Variants in ARHGAP10 observed in about 807,000 individuals in gnomAD.
ARHGAP10 encodes Rho GTPase activating protein 10.
In ARHGAP10, 87 loss-of-function variants were observed where a neutral mutation model predicts 108.6. The observed-to-expected ratio is 0.80, with a 90% CI of 0.67 to 0.96. ARHGAP10 has a LOEUF of 0.96. Among genes scored for constraint, ARHGAP10 ranks in the 40% least tolerant of loss-of-function variants. The pLI, the probability that ARHGAP10 is intolerant of heterozygous loss-of-function variation, is 0.00. For synonymous variants in ARHGAP10, 347 were observed against 341.1 expected, an observed-to-expected ratio of 1.02 and a Z score of -0.19; for missense variants, 939 against 954.5, an observed-to-expected ratio of 0.98 and a Z score of 0.21.
intron 14 of ARHGAP10, among the ~76,000 whole-genome samples, chr4:147,941,082 A>G (rs190571628): frequency 1.2e-4 from 19 of 152,352 alleles, no homozygotes; most frequent in African/African-American, 4.6e-4. Context: ...ATGGGAGTAC[A>G]GCATCTGCTT....
At chr4:147,767,585 T>C (rs575608955) in intron 1 of ARHGAP10, among the ~76,000 whole-genome samples, 1 of 152,064 alleles carries the variant, frequency 6.6e-6, no homozygotes, top group Non-Finnish European at 1.5e-5. Flanking sequence ...TAGGCATAAG[T>C]GTGCACCTGT....
chr4:147,912,005 G>A (rs1477373179), intron 12 of ARHGAP10, among the ~76,000 whole-genome samples: 107 of 28,978 alleles, frequency 3.7e-3, no homozygotes, highest in South Asian at 0.011. Flanking sequence ...GTGTGTGTGT[G>A]TGTGTGTGTG....
chr4:148,046,737 A>C (rs1205424539), intron 19 of ARHGAP10, among the ~76,000 whole-genome samples, 155 bp from the exon 20 acceptor site: 1 of 152,222 alleles, frequency 6.6e-6, no homozygotes, highest in African/African-American at 2.4e-5. Context: ...TTGATTAAAA[A>C]AAATGTAAAG....
At chr4:147,746,705 T>G (rs553958819) in intron 1 of ARHGAP10, among the ~76,000 whole-genome samples, 2 of 152,238 alleles carry the variant, frequency 1.3e-5, no homozygotes, top group African/African-American at 4.8e-5. Context: ...CTTCTTAATA[T>G]AGAAGGTGGG....
intron 4 of ARHGAP10, among the ~76,000 whole-genome samples, chr4:147,851,593 A>T (rs1408236750): frequency 6.6e-6 from 1 of 152,240 alleles, no homozygotes; most frequent in African/African-American, 2.4e-5. Context: ...ACCTGTCTGG[A>T]TAATTTCTCA....
At chr4:147,972,313 A>G (rs551048505) in intron 18 of ARHGAP10, among the ~76,000 whole-genome samples, 2 of 152,278 alleles carry the variant, frequency 1.3e-5, no homozygotes, top group African/African-American at 4.8e-5. Flanking sequence ...GTGTATCCAT[A>G]CACTTAAAAA....
At chr4:147,888,825 T>G (rs576533363) in intron 10 of ARHGAP10, among the ~76,000 whole-genome samples, 35 of 152,348 alleles carry the variant, frequency 2.3e-4, no homozygotes, top group African/African-American at 8.2e-4. Context: ...AGAAGGTGAA[T>G]GTACTTTGAG....
At position 148,068,732 on chromosome 4, in the gene ARHGAP10, G is replaced by C. The variant is rs566287306; in HGVS notation, c.2273-3261G>C. Among the ~76,000 whole-genome samples, 4 of 152,300 alleles carry C rather than the reference G, an allele frequency of 2.6e-5. No individual in the cohort carries two copies. The South Asian group carries it at 8.3e-4, about 32-fold the overall frequency. ...GAGCCCAGGACGCAGCCTCCCTGTG[G>C]GTCCTGTGGCAGTTCTGAAGTTGAG... On this transcript the variant is annotated intron_variant, in intron 22 of 22. Coordinates refer to ENST00000336498, the MANE Select transcript of ARHGAP10 (RefSeq NM_024605.4).
chr4:147,828,875 A>G (rs1342518769), intron 3 of ARHGAP10, among the ~76,000 whole-genome samples: 2 of 101,598 alleles, frequency 2.0e-5, no homozygotes, highest in African/African-American at 3.2e-5. Flanking sequence ...TAAAAAGTCA[A>G]GATAGTTTTT....
At chr4:147,969,651 T>A (rs2149616855) in intron 18 of ARHGAP10, among the ~76,000 whole-genome samples, 1 of 152,272 alleles carries the variant, frequency 6.6e-6, no homozygotes, top group Non-Finnish European at 1.5e-5. Context: ...TTTTTGAAGC[T>A]GGGGAGATAA....
At chr4:147,781,965 T>C (rs1730554296) in intron 1 of ARHGAP10, among the ~76,000 whole-genome samples, 2 of 152,180 alleles carry the variant, frequency 1.3e-5, no homozygotes, top group African/African-American at 4.8e-5. Flanking sequence ...TGAGTTTCAT[T>C]GATTTCTGAA....
At chr4:147,903,118 G>A (rs1736317011) in intron 10 of ARHGAP10, among the ~76,000 whole-genome samples, 2 of 152,212 alleles carry the variant, frequency 1.3e-5, no homozygotes, top group Middle Eastern at 3.4e-3. Flanking sequence ...ATCCCACATG[G>A]CCAGGGAGGC....
chr4:147,904,298 T>C (rs1341024936), intron 10 of ARHGAP10, among the ~76,000 whole-genome samples: 1 of 152,132 alleles, frequency 6.6e-6, no homozygotes, highest in Non-Finnish European at 1.5e-5. Flanking sequence ...TAGTTACATA[T>C]GTATACACGT....
intron 14 of ARHGAP10, among the ~76,000 whole-genome samples, chr4:147,944,722 A>G (rs146332468): frequency 3.3e-5 from 5 of 152,356 alleles, no homozygotes; most frequent in East Asian, 1.9e-4. Flanking sequence ...TAGTTAAGAC[A>G]TCATCGTGGA....
chr4:148,062,944 A>C (rs972167900), intron 20 of ARHGAP10, among the ~76,000 whole-genome samples: 7 of 151,982 alleles, frequency 4.6e-5, no homozygotes, highest in African/African-American at 1.7e-4. Flanking sequence ...AGACAGCTTG[A>C]GTTTGGGGCT....
At chr4:147,790,912 G>A (rs1731090642) in intron 1 of ARHGAP10, among the ~76,000 whole-genome samples, 1 of 151,978 alleles carries the variant, frequency 6.6e-6, no homozygotes, top group Non-Finnish European at 1.5e-5. Flanking sequence ...GAGAGTTGAA[G>A]GCTCCTGTGA....
chr4:147,837,643 G>GTTTTTTTTT lies in ARHGAP10; in HGVS notation c.313-9497_313-9489dup, dbSNP rs59933316. Reference sequence around the variant, plus strand: ...CACCTCGCTAGAATCTCTGGTCACTGTTTTTTTTTTTTTTTTTTTAAAGCA... The same window carrying GTTTTTTTTT: ...CACCTCGCTAGAATCTCTGGTCACTGTTTTTTTTTTTTTTTTTTTTTTTTTTTTAAAGCA... On this transcript the variant is annotated intron_variant, in intron 3 of 22. Transcript: ENST00000336498. 2.6e-4 allele frequency among the ~76,000 whole-genome samples: 18 copies of GTTTTTTTTT among 70,232 alleles called. 2 individuals carry two copies. Among genetic ancestry groups the GTTTTTTTTT allele is most frequent in the South Asian group, 7.5e-4 (1 of 1,340 alleles). The allele number at this position is 70,232 out of a possible 152,430, so 46.1% of individuals were successfully genotyped here. A position where few individuals can be genotyped will look rare whatever the true frequency, so the allele number is the denominator to read the frequency against.
rs181701756 is a variant in ARHGAP10 at position 148,064,546 on chromosome 4, G to A, written c.2272+39G>A. 33 of 1,535,406 alleles carry A rather than the reference G, an allele frequency of 2.1e-5. No individual in the cohort carries two copies. The African/African-American group carries it at 2.2e-4, about 10-fold the overall frequency. Reference sequence around the variant, plus strand: ...GGAGCTTCGTCTGTTAATCCTGTCCGCAGGATTAATAAGTCTGCAGCATGG... The same window carrying A: ...GGAGCTTCGTCTGTTAATCCTGTCCACAGGATTAATAAGTCTGCAGCATGG... On this transcript the variant is annotated intron_variant, in intron 22 of 22. Coordinates refer to ENST00000336498, the MANE Select transcript of ARHGAP10 (RefSeq NM_024605.4).
intron 20 of ARHGAP10, among the ~76,000 whole-genome samples, chr4:148,055,377 G>A (rs1272568461): frequency 6.6e-6 from 1 of 152,016 alleles, no homozygotes; most frequent in Non-Finnish European, 1.5e-5. Flanking sequence ...CTCCCTGACC[G>A]CCTACCTCCT....
Sources: allele counts gnomAD v4.1 joint callset (sites outside exome capture counted in the v4.1 genomes callset), GRCh38; gene constraint gnomAD v4.1.1; transcripts MANE v1.5; gene names NCBI Gene and HGNC (gene_info 2026-07-23, HGNC 2026-07-21).